The following DPF3 variants were observed in gnomAD, a reference collection of about 807,000 sequenced individuals.
DPF3 encodes the protein double PHD fingers 3.
In DPF3, 18 loss-of-function variants were observed where a neutral mutation model predicts 56.8. That is an observed-to-expected ratio of 0.32 (90% confidence interval 0.22 to 0.47). DPF3 has a LOEUF of 0.47. Among genes scored for constraint, DPF3 ranks in the 20% least tolerant of loss-of-function variants. DPF3 has a pLI of 1.00. For synonymous variants in DPF3, 188 were observed against 180.2 expected (o/e 1.04, Z -0.35); for missense variants, 403 against 488.8 (o/e 0.82, Z 1.65).
chr14:72,889,478 A>G (rs1397803960), intron 1 of DPF3, among the ~76,000 whole-genome samples: 1 of 152,184 alleles, frequency 6.6e-6, no homozygotes, highest in Non-Finnish European at 1.5e-5. Context: ...CAATGTCCAT[A>G]AAAGGCAGCA....
intron 8 of DPF3, among the ~76,000 whole-genome samples, chr14:72,632,259 T>C (rs1385298081): frequency 6.6e-6 from 1 of 152,212 alleles, no homozygotes; most frequent in Admixed American, 6.5e-5. Context: ...GGTGGTTACA[T>C]ATGTGATAAG....
intron 1 of DPF3, among the ~76,000 whole-genome samples, chr14:72,811,452 A>C (rs1377780789): frequency 6.6e-6 from 1 of 152,212 alleles, no homozygotes. Flanking sequence ...CACAGCCCTC[A>C]GAAGGAACCA....
intron 1 of DPF3, among the ~76,000 whole-genome samples, chr14:72,810,690 C>CA (rs1421933036): frequency 6.6e-6 from 1 of 152,126 alleles, no homozygotes; most frequent in Non-Finnish European, 1.5e-5. Flanking sequence ...AGCAAGCACC[C>CA]ACATCACGTT....
chr14:72,877,608 A>C (rs1886164154), intron 1 of DPF3, among the ~76,000 whole-genome samples: 1 of 152,178 alleles, frequency 6.6e-6, no homozygotes, highest in Non-Finnish European at 1.5e-5. Flanking sequence ...GGTCTCAAAA[A>C]GGTTTCAGAA....
chr14:72,720,638 C>T (rs977894156), intron 5 of DPF3, among the ~76,000 whole-genome samples: 1 of 152,230 alleles, frequency 6.6e-6, no homozygotes, highest in South Asian at 2.1e-4. Flanking sequence ...ATCATTCAAT[C>T]ATTCATTCGA....
In DPF3 at chr14:72,624,333, C is replaced by CTTTTTTTTTTTT. The variant is rs55820708; in HGVS notation, c.985-4361_985-4350dup. Reference sequence around the variant, plus strand: ...TTCTCCAGTTTTCCCACCTATGTCTCTTTTTTTTTTTTTTTTTTTTTCTGA... The same window carrying CTTTTTTTTTTTT: ...TTCTCCAGTTTTCCCACCTATGTCTCTTTTTTTTTTTTTTTTTTTTTTTTTTTTTTTTTCTGA... On this transcript the variant is annotated intron_variant, in intron 9 of 10. Transcript: ENST00000556509. Among the ~76,000 whole-genome samples, 112 of 97,796 alleles carry CTTTTTTTTTTTT rather than the reference C, an allele frequency of 1.1e-3. 2 individuals carry two copies. The highest frequency in any genetic ancestry group is 2.6e-3 in the African/African-American group (67 of 25,846). 64.2% of individuals were successfully genotyped at this position (97,796 alleles called of 152,430 possible).
At chr14:72,641,592 A>C (rs370898563) in intron 8 of DPF3, among the ~76,000 whole-genome samples, 5 of 152,332 alleles carry the variant, frequency 3.3e-5, no homozygotes, top group Non-Finnish European at 7.4e-5. Context: ...AGTGGCAGTG[A>C]TGAAAATTCT....
Position 72,693,130 on chromosome 14 carries a change from C to T in DPF3, c.688G>A (p.Ala230Thr). 3 of 1,614,032 alleles carry T rather than the reference C, an allele frequency of 1.9e-6. No homozygotes were observed. The highest frequency in any genetic ancestry group is 2.5e-6 in the Non-Finnish European group (3 of 1,179,896). Residue 230 changes from alanine to threonine, a missense_variant, in exon 7 of 11, where the codon GCT (alanine) becomes ACT (threonine). By Grantham distance (58) the Ala-to-Thr change is moderately conservative. Coordinates refer to ENST00000556509, the MANE Select transcript of DPF3 (RefSeq NM_001280542.3). The stretch of plus-strand genomic sequence containing the variant: ...GGGGACCGAGTCTCCTGGTCTTGAG[C>T]TTCATCCCCCTCCTCGCTGGCCAGG... ...THLASEEGDE[A>T]QDQETRSPPN...
At chr14:72,703,134 G>A (rs1888248179) in intron 6 of DPF3, among the ~76,000 whole-genome samples, 1 of 152,142 alleles carries the variant, frequency 6.6e-6, no homozygotes. Context: ...AAAATGATGA[G>A]GCTCCCAGAG....
chr14:72,634,865 A>C (rs1437074415), intron 8 of DPF3, among the ~76,000 whole-genome samples: 1 of 152,148 alleles, frequency 6.6e-6, no homozygotes. Context: ...ATGATTCAAC[A>C]GAGCATTTAT....
intron 5 of DPF3, among the ~76,000 whole-genome samples, chr14:72,721,753 C>G (rs1180558514): frequency 6.6e-6 from 1 of 152,178 alleles, no homozygotes; most frequent in Non-Finnish European, 1.5e-5. Flanking sequence ...CACAAACACA[C>G]ACACACACAA....
At chr14:72,668,230 A>G (rs1202053537) in intron 8 of DPF3, among the ~76,000 whole-genome samples, 1 of 152,122 alleles carries the variant, frequency 6.6e-6, no homozygotes, top group African/African-American at 2.4e-5. Context: ...GCCTTAAAAC[A>G]TTTCCCTCCA....
At chr14:72,767,328 A>G (rs1805839370) in intron 2 of DPF3, among the ~76,000 whole-genome samples, 1 of 152,228 alleles carries the variant, frequency 6.6e-6, no homozygotes, top group African/African-American at 2.4e-5. Flanking sequence ...CCAACAAGAA[A>G]ATAACAAAAA....
At chr14:72,782,196 A>G (rs893049318) in intron 1 of DPF3, among the ~76,000 whole-genome samples, 5 of 151,454 alleles carry the variant, frequency 3.3e-5, no homozygotes, top group Admixed American at 3.3e-4. Context: ...ATGTTGTTCT[A>G]TAGTCAATTC....
At position 72,838,906 on chromosome 14, in the gene DPF3, T is replaced by TATATATATATATATATA. The variant is rs375598670; in HGVS notation, c.32+55150_32+55151insTATATATATATATATAT. Among the ~76,000 whole-genome samples, 477 of 86,966 alleles carry TATATATATATATATATA rather than the reference T, an allele frequency of 5.5e-3. 27 individuals are homozygous for TATATATATATATATATA. Among genetic ancestry groups the TATATATATATATATATA allele is most frequent in the East Asian group, 0.011 (24 of 2,138 alleles). The allele number at this position is 86,966 out of a possible 152,430, so 57.1% of individuals were successfully genotyped here. A position where few individuals can be genotyped will look rare whatever the true frequency, so the allele number is the denominator to read the frequency against. On this transcript the variant is annotated intron_variant, in intron 1 of 10. Coordinates refer to ENST00000556509, the MANE Select transcript of DPF3 (RefSeq NM_001280542.3). ...TCTATCATATATATTATCATATATA[T>TATATATATATATATATA]TCTTTTTTTTTTTTTTTTTTTTTTT... is the stretch of plus-strand genomic sequence containing the variant.
chr14:72,882,341 GA>G (rs1236221006), intron 1 of DPF3, among the ~76,000 whole-genome samples: 2 of 152,114 alleles, frequency 1.3e-5, no homozygotes, highest in Non-Finnish European at 2.9e-5. Context: ...TGTGTAAAAT[GA>G]AAAAGAGCTC....
At chr14:72,876,644 C>G (rs1004976317) in intron 1 of DPF3, among the ~76,000 whole-genome samples, 1 of 152,170 alleles carries the variant, frequency 6.6e-6, no homozygotes, top group Non-Finnish European at 1.5e-5. Context: ...CCAAAGGAAT[C>G]GCTCAAACGC....
intron 1 of DPF3, among the ~76,000 whole-genome samples, chr14:72,883,781 A>G (rs1886408323): frequency 6.6e-6 from 1 of 152,080 alleles, no homozygotes; most frequent in African/African-American, 2.4e-5. Flanking sequence ...TACAAAAATT[A>G]GCTGGGTGTG....
At chr14:72,889,439 C>T (rs530449008) in intron 1 of DPF3, among the ~76,000 whole-genome samples, 2 of 152,202 alleles carry the variant, frequency 1.3e-5, no homozygotes, top group South Asian at 2.1e-4. Context: ...TTACAACGTC[C>T]GAGGGTCCTT....
Sources: gnomAD v4.1 joint callset for allele counts (sites outside exome capture counted in the v4.1 genomes callset) on GRCh38, gnomAD v4.1.1 for gene constraint, MANE v1.5 for transcripts, NCBI Gene and HGNC (gene_info 2026-07-23, HGNC 2026-07-21) for gene names.